Variants in DAB1 observed in about 807,000 individuals in gnomAD.
DAB1 encodes DAB adaptor protein 1.
A neutral mutation model predicts 64.6 loss-of-function variants in DAB1; 15 were observed. That is an observed-to-expected ratio of 0.23 (90% CI 0.16 to 0.36). The LOEUF (loss-of-function observed/expected upper bound fraction) is 0.36. DAB1 is among the 10% of genes least tolerant of loss of function. The probability of loss-of-function intolerance (pLI) is 1.00; values close to 1 mark genes in which losing one functional copy is unlikely to be tolerated. For synonymous variants in DAB1, 235 were observed against 251.9 expected (o/e 0.93, Z 0.64); for missense variants, 596 against 706.7 (o/e 0.84, Z 1.78).
intron 6 of DAB1, among the ~76,000 whole-genome samples, chr1:57,817,404 T>C (rs1651915752): frequency 6.6e-6 from 1 of 152,216 alleles, no homozygotes; most frequent in Non-Finnish European, 1.5e-5. Flanking sequence ...GTCCAGGCTA[T>C]GGCCAGCTGC....
chr1:57,811,375 T>C (rs1651613596), intron 6 of DAB1, among the ~76,000 whole-genome samples: 1 of 152,166 alleles, frequency 6.6e-6, no homozygotes. Context: ...ATCTGGTTGT[T>C]TAAAAGTGTG....
At chr1:58,332,085 C>T (rs1662982499) in intron 4 of DAB1, among the ~76,000 whole-genome samples, 2 of 152,186 alleles carry the variant, frequency 1.3e-5, no homozygotes, top group Admixed American at 6.5e-5. Flanking sequence ...ACTCCTGCAT[C>T]ACCCTTCCTC....
chr1:57,035,446 G>A (rs545711207), intron 9 of DAB1, among the ~76,000 whole-genome samples: 31 of 152,276 alleles, frequency 2.0e-4, no homozygotes, highest in African/African-American at 6.0e-4. Context: ...CAGCATGAGC[G>A]TGTTGTCACC....
chr1:57,393,962 A>G (rs550940575), intron 1 of DAB1, among the ~76,000 whole-genome samples: 54 of 152,330 alleles, frequency 3.5e-4, no homozygotes, highest in African/African-American at 1.1e-3. Flanking sequence ...GTAGATCTAC[A>G]TGTGTATCTA....
At chr1:58,397,030 A>C (rs930230305) in intron 3 of DAB1, among the ~76,000 whole-genome samples, 25 of 151,266 alleles carry the variant, frequency 1.7e-4, no homozygotes, top group Admixed American at 1.6e-3. Context: ...GCACTACTGC[A>C]CTCTAGCCTG....
chr1:57,164,896 A>G (rs998993978), intron 2 of DAB1, among the ~76,000 whole-genome samples: 3 of 152,180 alleles, frequency 2.0e-5, no homozygotes, highest in African/African-American at 7.2e-5. Flanking sequence ...TTGCAACTAG[A>G]AAACTTTCAC....
chr1:57,521,151 C>A (rs1052309716), intron 7 of DAB1, among the ~76,000 whole-genome samples: 2 of 152,190 alleles, frequency 1.3e-5, no homozygotes, highest in African/African-American at 2.4e-5. Flanking sequence ...TCCAGACAAG[C>A]TTTCTCTGCT....
intron 7 of DAB1, among the ~76,000 whole-genome samples, chr1:57,613,006 G>A (rs369799983): frequency 5.3e-5 from 8 of 152,104 alleles, no homozygotes; most frequent in Admixed American, 3.3e-4. Flanking sequence ...ATTCCCCTTC[G>A]TGCCTGACAC....
At chr1:58,215,584 TTAAG>T (rs1346690902) in intron 4 of DAB1, among the ~76,000 whole-genome samples, 1 of 152,188 alleles carries the variant, frequency 6.6e-6, no homozygotes, top group Non-Finnish European at 1.5e-5. Flanking sequence ...TTGCACTCTA[TTAAG>T]TGAGTGCATG....
chr1:57,107,983 T>A (rs1452240536), intron 4 of DAB1, among the ~76,000 whole-genome samples: 1 of 152,102 alleles, frequency 6.6e-6, no homozygotes, highest in African/African-American at 2.4e-5. Context: ...GATGCATCAT[T>A]CCTGGCACTT....
intron 7 of DAB1, among the ~76,000 whole-genome samples, chr1:57,438,289 T>C (rs1685775074): frequency 6.6e-6 from 1 of 152,170 alleles, no homozygotes; most frequent in African/African-American, 2.4e-5. Flanking sequence ...TCAGTGTGAT[T>C]CCTGTTAAAT....
chr1:57,299,578 A>G (rs917642073), intron 1 of DAB1, among the ~76,000 whole-genome samples: 4 of 152,246 alleles, frequency 2.6e-5, no homozygotes, highest in Admixed American at 6.5e-5. Context: ...AGCACCATGA[A>G]AATTCATTAC....
chr1:57,735,381 G>GA (rs1452832391), intron 6 of DAB1, among the ~76,000 whole-genome samples: 1 of 152,070 alleles, frequency 6.6e-6, no homozygotes, highest in Non-Finnish European at 1.5e-5. Context: ...AAGTTTCAAT[G>GA]AAAAAATGAG....
intron 1 of DAB1, among the ~76,000 whole-genome samples, chr1:57,370,869 T>A (rs139183732): frequency 7.2e-5 from 11 of 152,354 alleles, no homozygotes; most frequent in Non-Finnish European, 1.2e-4. Context: ...AAAATAAATT[T>A]AAATCTAAAG....
intron 5 of DAB1, among the ~76,000 whole-genome samples, chr1:57,968,201 G>A (rs1398822954): frequency 6.6e-6 from 1 of 152,030 alleles, no homozygotes; most frequent in Non-Finnish European, 1.5e-5. Context: ...CCTGTGTCCT[G>A]TTTGTCACAG....
intron 4 of DAB1, among the ~76,000 whole-genome samples, chr1:58,336,297 C>T (rs952218844): frequency 3.9e-5 from 6 of 152,140 alleles, no homozygotes; most frequent in Non-Finnish European, 7.4e-5. Flanking sequence ...TCTGTTCTGG[C>T]GTTTGAAGGT....
chr1:57,728,731 A>G (rs1415016399), intron 6 of DAB1, among the ~76,000 whole-genome samples: 2 of 152,222 alleles, frequency 1.3e-5, no homozygotes, highest in East Asian at 3.8e-4. Context: ...TTGTGGGAAA[A>G]CTATTTTCAA....
At chr1:57,020,352 C>G (rs1646573474) in intron 11 of DAB1, among the ~76,000 whole-genome samples, 1 of 152,170 alleles carries the variant, frequency 6.6e-6, no homozygotes, top group African/African-American at 2.4e-5. Context: ...ACTGTTGTAC[C>G]TATTTTACAA....
chr1:57,565,640 G>A (rs1369439025), intron 7 of DAB1, among the ~76,000 whole-genome samples: 4 of 152,044 alleles, frequency 2.6e-5, no homozygotes, highest in Admixed American at 2.6e-4. Flanking sequence ...CTCTGATAAA[G>A]CAGACTTTAA....
Sources: allele counts gnomAD v4.1 joint callset (sites outside exome capture counted in the v4.1 genomes callset), GRCh38; gene constraint gnomAD v4.1.1; transcripts MANE v1.5; gene names NCBI Gene and HGNC (gene_info 2026-07-23, HGNC 2026-07-21).